The following SLC28A1 variants were observed in gnomAD, a reference collection of about 807,000 sequenced individuals.
SLC28A1 encodes the protein sodium/nucleoside cotransporter 1.
In SLC28A1, 64 loss-of-function variants were observed where a neutral mutation model predicts 74.8. That is an observed-to-expected ratio of 0.86 (90% CI 0.70 to 1.05). The LOEUF (loss-of-function observed/expected upper bound fraction) is 1.05. SLC28A1 is among the 50% of genes least tolerant of loss of function. SLC28A1 has a pLI of 0.00. For synonymous variants in SLC28A1, 359 were observed against 335.0 expected (o/e 1.07, Z -0.78); for missense variants, 828 against 822.8 (o/e 1.01, Z -0.08).
intron 11 of SLC28A1, among the ~76,000 whole-genome samples, chr15:84,921,771 T>C (rs1005472307): frequency 6.6e-6 from 1 of 152,208 alleles, no homozygotes; most frequent in African/African-American, 2.4e-5. Context: ...TTATTTTTTG[T>C]TTAGTTTTGT....
intron 10 of SLC28A1, among the ~76,000 whole-genome samples, chr15:84,920,703 G>GGTGTGT (rs61457641): frequency 1.5e-5 from 2 of 137,284 alleles, no homozygotes; most frequent in African/African-American, 5.1e-5. Flanking sequence ...ATCTCCAAGG[G>GGTGTGT]GTGTGTGTGT....
intron 15 of SLC28A1, among the ~76,000 whole-genome samples, chr15:84,941,651 A>G (rs1048581052): frequency 6.6e-6 from 1 of 152,120 alleles, no homozygotes; most frequent in East Asian, 1.9e-4. Context: ...TGGGAGGCCA[A>G]GGAGGGTGGG....
Position 84,900,423 on chromosome 15 carries a change from A to G in SLC28A1, c.462-3674A>G, listed in dbSNP as rs866091837. Among the ~76,000 whole-genome samples, 1,184 of 149,146 alleles carry G rather than the reference A, an allele frequency of 7.9e-3. 21 individuals are homozygous for G. The highest frequency in any genetic ancestry group is 0.029 in the African/African-American group (1,144 of 40,116). ...TCTCAAAAAAAAAAAAAAAAAAAAA[A>G]AGAAGAAGAAGAAAGAAAGAAATGT... On this transcript the variant is annotated intron_variant, in intron 6 of 18. Coordinates refer to ENST00000394573, the MANE Select transcript of SLC28A1 (RefSeq NM_004213.5).
chr15:84,925,013 G>A (rs1245896780), intron 12 of SLC28A1, among the ~76,000 whole-genome samples: 1 of 147,196 alleles, frequency 6.8e-6, no homozygotes, highest in Non-Finnish European at 1.5e-5. Context: ...CGTTTCTCCT[G>A]CCTCAGCGTC....
chr15:84,893,630 G>C (rs954202531), intron 5 of SLC28A1, among the ~76,000 whole-genome samples: 10 of 152,064 alleles, frequency 6.6e-5, no homozygotes, highest in African/African-American at 2.4e-4. Flanking sequence ...TTCTCCAGCT[G>C]GTCCTGGGTC....
the SLC28A1 span, among the ~76,000 whole-genome samples, chr15:84,970,808 A>C: frequency 6.6e-6 from 1 of 151,698 alleles, no homozygotes; most frequent in African/African-American, 2.4e-5. Context: ...GACCAGCCTG[A>C]GCAACATGGT....
At chr15:84,960,298 C>CA in the SLC28A1 span, among the ~76,000 whole-genome samples, 2 of 126,370 alleles carry the variant, frequency 1.6e-5, no homozygotes, top group African/African-American at 6.4e-5. Context: ...CTCTGTCGCC[C>CA]AGGCTGGAGT....
rs1395859759 is a variant in SLC28A1 at position 84,937,791 on chromosome 15, T to C, written c.1581+2273T>C. Among the ~76,000 whole-genome samples, 48 of 152,034 alleles carry C rather than the reference T, an allele frequency of 3.2e-4. 1 individual carries two copies. Among genetic ancestry groups the C allele is most frequent in the Admixed American group, 3.2e-3 (48 of 15,238 alleles). Reference sequence around the variant, plus strand: ...TGGAATGTGTCTGTAGTCCCAGTCCTTGTGCTGAGGCACGAGAATTTCTTG... The same window carrying C: ...TGGAATGTGTCTGTAGTCCCAGTCCCTGTGCTGAGGCACGAGAATTTCTTG... On this transcript the variant is annotated intron_variant, in intron 15 of 18. Transcript: ENST00000394573.
intron 7 of SLC28A1, among the ~76,000 whole-genome samples, chr15:84,905,293 G>A (rs961664244): frequency 2.0e-5 from 3 of 152,304 alleles, no homozygotes; most frequent in South Asian, 4.1e-4. Context: ...AGGCTGGTCC[G>A]GTTTCACCTG....
downstream of SLC28A1, among the ~76,000 whole-genome samples, chr15:84,946,479 A>G (rs2079235598): frequency 6.6e-6 from 1 of 152,036 alleles, no homozygotes; most frequent in African/African-American, 2.4e-5. Flanking sequence ...TAGTTGAGGA[A>G]TCGGAGTCGC....
chr15:84,928,859 G>A (rs1304138311), intron 12 of SLC28A1, among the ~76,000 whole-genome samples: 3 of 151,708 alleles, frequency 2.0e-5, no homozygotes, highest in Admixed American at 6.6e-5. Flanking sequence ...CTCACCTCAG[G>A]TGATCCACCC....
chr15:84,968,432 G>A, the SLC28A1 span, among the ~76,000 whole-genome samples: 2 of 152,208 alleles, frequency 1.3e-5, no homozygotes, highest in Non-Finnish European at 2.9e-5. Context: ...AGAGGCCTCA[G>A]CTCCTCTCTA....
chr15:84,911,820 C>G (rs1411036274), intron 9 of SLC28A1, among the ~76,000 whole-genome samples: 1 of 142,156 alleles, frequency 7.0e-6, no homozygotes, highest in Non-Finnish European at 1.5e-5. Flanking sequence ...GACTGCACCA[C>G]TGCACTCCAG....
chr15:84,904,640 C>G (rs1168061697), intron 7 of SLC28A1, among the ~76,000 whole-genome samples: 3 of 152,178 alleles, frequency 2.0e-5, no homozygotes, highest in Non-Finnish European at 4.4e-5. Flanking sequence ...AAGTCTGCTC[C>G]CCAGTCCAGC....
At chr15:84,935,775 C>T (rs976495148) in intron 15 of SLC28A1, among the ~76,000 whole-genome samples, 6 of 152,060 alleles carry the variant, frequency 3.9e-5, no homozygotes, top group Admixed American at 2.6e-4. Flanking sequence ...CTAGATGGGT[C>T]GTTTTTCACT....
At chr15:84,895,502 C>T in intron 6 of SLC28A1, 1 of 1,587,460 alleles carries the variant, frequency 6.3e-7, no homozygotes, top group Non-Finnish European at 8.6e-7. Context: ...GATCGGGGTC[C>T]AGGTGCTGGT....
chr15:84,961,548 C>T, the SLC28A1 span: 2 of 452,532 alleles, frequency 4.4e-6, no homozygotes, highest in South Asian at 3.1e-5. Flanking sequence ...GCTATGTTGA[C>T]CAGGCTGGTC....
the SLC28A1 span, among the ~76,000 whole-genome samples, chr15:84,972,879 T>G: frequency 1.3e-5 from 2 of 152,300 alleles, no homozygotes; most frequent in South Asian, 4.1e-4. Flanking sequence ...AGATCTCTCT[T>G]TTTCTGTGGG....
At chr15:84,885,095 A>T (rs1022843087) in intron 1 of SLC28A1, among the ~76,000 whole-genome samples, 2 of 151,980 alleles carry the variant, frequency 1.3e-5, no homozygotes, top group African/African-American at 4.8e-5. Context: ...AGTAGCTGGG[A>T]CTACAGGCAC....
Sources: allele counts gnomAD v4.1 joint callset (sites outside exome capture counted in the v4.1 genomes callset), GRCh38; gene constraint gnomAD v4.1.1; transcripts MANE v1.5; gene names NCBI Gene and HGNC (gene_info 2026-07-23, HGNC 2026-07-21).